Variants in FNIP1 observed in about 807,000 individuals in gnomAD.
FNIP1 encodes the protein folliculin interacting protein 1.
A neutral mutation model predicts 124.5 loss-of-function variants in FNIP1; 40 were observed. The ratio of observed to expected loss-of-function variants is 0.32; its 90% CI spans 0.25 to 0.42. The LOEUF is 0.42. Among genes scored for constraint, FNIP1 ranks in the 10% least tolerant of loss-of-function variants. FNIP1 has a pLI of 1.00. For missense variants in FNIP1, 1,176 were observed against 1,403.7 expected (o/e 0.84, Z 2.59); for synonymous variants, 472 against 470.6 (o/e 1.00, Z -0.04).
In FNIP1 at chr5:131,714,010, G is replaced by A. The variant is rs547764380; in HGVS notation, c.622+2555C>T. On this transcript the variant is annotated intron_variant, in intron 6 of 17. Transcript: ENST00000510461. The stretch of plus-strand genomic sequence containing the variant: ...CCAAAAATTCCTCTGTGGTGACCTC[G>A]AGAATATATGTCAAAGATCTCCAAC... Among the ~76,000 whole-genome samples, 31 of 152,280 alleles carry A rather than the reference G, an allele frequency of 2.0e-4. No homozygotes were observed. In the South Asian group the frequency reaches 6.0e-3, roughly 30 times the overall value.
chr5:131,666,396 C>T (rs2149512322), intron 15 of FNIP1, among the ~76,000 whole-genome samples: 1 of 152,218 alleles, frequency 6.6e-6, no homozygotes, highest in African/African-American at 2.4e-5. Flanking sequence ...GGGGGAAAGA[C>T]AAATAGCTCC....
chr5:131,791,334 C>T (rs149640863), intron 1 of FNIP1, among the ~76,000 whole-genome samples: 176 of 152,070 alleles, frequency 1.2e-3, no homozygotes, highest in African/African-American at 4.2e-3. Flanking sequence ...AGTTAAAGGG[C>T]AAATTATGTA....
In FNIP1 at chr5:131,647,679, T is replaced by G. The variant is rs144830704; in HGVS notation, c.3307-474A>C. On this transcript the variant is annotated intron_variant, in intron 16 of 17. Coordinates refer to ENST00000510461, the MANE Select transcript of FNIP1 (RefSeq NM_133372.3). ...TTAATAGAGATGGAGTTTCACCACG[T>G]TGGCCAGGCTGGTCTCAAACTCCTG... Among the ~76,000 whole-genome samples the G allele has an allele frequency of 9.5e-3, 1,442 of 152,170 alleles. 5 individuals carry two copies. The highest frequency in any genetic ancestry group is 0.015 in the Non-Finnish European group (1,043 of 67,970).
intron 1 of FNIP1, 77 bp downstream of exon 1, chr5:131,796,753 C>G: frequency 7.2e-7 from 1 of 1,380,592 alleles, no homozygotes; most frequent in Non-Finnish European, 9.9e-7. Flanking sequence ...GGTCGGAACA[C>G]CGAAGGCCCC....
At chr5:131,653,490 G>C (rs1767102542) in intron 15 of FNIP1, among the ~76,000 whole-genome samples, 1 of 151,524 alleles carries the variant, frequency 6.6e-6, no homozygotes, top group Non-Finnish European at 1.5e-5. Context: ...AGTGAGCTGA[G>C]ATCGTGCCAT....
In FNIP1 at chr5:131,784,997, G is replaced by C. The variant is rs1407615579; in HGVS notation, c.92+11833C>G. Reference sequence around the variant, plus strand: ...AACTATATATATATCATATATATATGATATATATGACTATATATATGATAT... The same window carrying C: ...AACTATATATATATCATATATATATCATATATATGACTATATATATGATAT... On this transcript the variant is annotated intron_variant, in intron 1 of 17. Coordinates refer to ENST00000510461, the MANE Select transcript of FNIP1 (RefSeq NM_133372.3). Among the ~76,000 whole-genome samples the C allele has an allele frequency of 1.6e-4, 18 of 113,636 alleles. No homozygotes were observed. The East Asian group carries it at 2.5e-3, about 16-fold the overall frequency. The allele number at this position is 113,636 out of a possible 152,430, so 74.5% of individuals were successfully genotyped here.
intron 1 of FNIP1, among the ~76,000 whole-genome samples, chr5:131,767,427 C>CAAA (rs139550903): frequency 1.1e-3 from 68 of 64,018 alleles, no homozygotes; most frequent in Non-Finnish European, 1.2e-3. Context: ...GATTCTGTCT[C>CAAA]AAAAAAAAAA....
intron 11 of FNIP1, among the ~76,000 whole-genome samples, chr5:131,684,613 C>A (rs1008165555): frequency 6.6e-6 from 1 of 151,986 alleles, no homozygotes; most frequent in Non-Finnish European, 1.5e-5. Context: ...TAAGTCTAGG[C>A]CATTTGTACT....
chr5:131,677,634 G>T, intron 13 of FNIP1, 69 bp downstream of exon 13: 1 of 1,402,150 alleles, frequency 7.1e-7, no homozygotes, highest in African/African-American at 1.4e-5. Context: ...TTTTGGTTTT[G>T]CTATAAAATA....
chr5:131,704,371 A>G (rs1769007085), intron 9 of FNIP1, 105 bp from the exon 10 acceptor site: 1 of 906,598 alleles, frequency 1.1e-6, no homozygotes, highest in African/African-American at 1.7e-5. Flanking sequence ...TTGCTGTTTT[A>G]TCAAACAAAC....
intron 3 of FNIP1, among the ~76,000 whole-genome samples, chr5:131,723,615 T>G (rs1769748694): frequency 6.6e-6 from 1 of 152,180 alleles, no homozygotes; most frequent in Admixed American, 6.5e-5. Flanking sequence ...ATTTAAAAGG[T>G]CTATTCTAAG....
intron 1 of FNIP1, among the ~76,000 whole-genome samples, chr5:131,784,079 C>A (rs1476945566): frequency 6.6e-6 from 1 of 151,680 alleles, no homozygotes; most frequent in Non-Finnish European, 1.5e-5. Context: ...AGCCTCCTGA[C>A]AACACTAGGG....
intron 6 of FNIP1, among the ~76,000 whole-genome samples, chr5:131,711,883 G>A (rs912342439): frequency 1.3e-5 from 2 of 152,130 alleles, no homozygotes; most frequent in Admixed American, 6.5e-5. Flanking sequence ...ATCCTTCCAT[G>A]TCTCAATGGT....
chr5:131,772,850 C>G (rs916776340), intron 1 of FNIP1, among the ~76,000 whole-genome samples: 1 of 152,206 alleles, frequency 6.6e-6, no homozygotes, highest in East Asian at 1.9e-4. Context: ...TCTTCCCACT[C>G]TGTCCCATTT....
chr5:131,761,379 G>A (rs892291880), intron 1 of FNIP1, among the ~76,000 whole-genome samples: 6 of 152,116 alleles, frequency 3.9e-5, no homozygotes, highest in African/African-American at 1.4e-4. Flanking sequence ...AAAACCTAAA[G>A]ACTCTATGAA....
chr5:131,669,991 T>C lies in FNIP1; in HGVS notation c.3108+472A>G, dbSNP rs147137735. 2.6e-4 allele frequency among the ~76,000 whole-genome samples: 39 copies of C among 151,354 alleles called. No homozygotes were observed. The East Asian group carries it at 6.6e-3, about 26-fold the overall frequency. Reference sequence around the variant, plus strand: ...TTGTTAAGAAAGATTTAAAACTATCTGTTCACTGATAACATGAGCCTGTGT... The same window carrying C: ...TTGTTAAGAAAGATTTAAAACTATCCGTTCACTGATAACATGAGCCTGTGT... On this transcript the variant is annotated intron_variant, in intron 15 of 17. Transcript: ENST00000510461.
chr5:131,718,964 C>T, intron 5 of FNIP1, 22 bp downstream of exon 5: 2 of 1,593,152 alleles, frequency 1.3e-6, no homozygotes, highest in Non-Finnish European at 1.7e-6. Flanking sequence ...ATACATTTCC[C>T]CCTGTATCCA....
chr5:131,757,173 A>G (rs1771077154), intron 1 of FNIP1, among the ~76,000 whole-genome samples: 1 of 152,228 alleles, frequency 6.6e-6, no homozygotes, highest in Admixed American at 6.5e-5. Context: ...CTGAATAAGG[A>G]TATGAGAGAT....
At chr5:131,741,773 G>A (rs1042738105) in intron 2 of FNIP1, among the ~76,000 whole-genome samples, 4 of 152,086 alleles carry the variant, frequency 2.6e-5, no homozygotes, top group African/African-American at 9.7e-5. Context: ...ATTTTTTAAC[G>A]CTGAAATAGC....
Sources: gnomAD v4.1 joint callset for allele counts (sites outside exome capture counted in the v4.1 genomes callset) on GRCh38, gnomAD v4.1.1 for gene constraint, MANE v1.5 for transcripts, NCBI Gene and HGNC (gene_info 2026-07-23, HGNC 2026-07-21) for gene names.